The following SCN8A variants were observed in gnomAD, a reference collection of about 807,000 sequenced individuals.
SCN8A encodes sodium voltage-gated channel alpha subunit 8, also known as sodium channel protein type 8 subunit alpha.
Under a neutral mutation model 184.1 loss-of-function variants are expected in SCN8A, and 30 were observed. The ratio of observed to expected loss-of-function variants is 0.16; its 90% CI spans 0.12 to 0.22. The LOEUF is 0.22. SCN8A is among the 10% of genes least tolerant of loss of function. SCN8A has a pLI of 1.00. For synonymous variants in SCN8A, 852 were observed against 907.0 expected (o/e 0.94, Z 1.09); for missense variants, 1,057 against 2,498.9 (o/e 0.42, Z 12.30).
rs891008063 is a variant in SCN8A at position 51,721,517 on chromosome 12, CCT to C, written c.1636-22_1636-21del. On this transcript the variant is annotated intron_variant, in intron 11 of 26. Coordinates refer to ENST00000627620, the MANE Select transcript of SCN8A (RefSeq NM_001330260.2). Reference sequence around the variant, plus strand: ...CACACTCCCGTCTCATTTCCCCGTCCCTCTCTCTTTCCCTGTCTGCCCCTGCA... The same window carrying C: ...CACACTCCCGTCTCATTTCCCCGTCCCTCTCTTTCCCTGTCTGCCCCTGCA... 4.5e-6 allele frequency: 7 copies of C among 1,565,394 alleles called. No homozygotes were observed. The African/African-American group carries it at 6.8e-5, about 15-fold the overall frequency.
At chr12:51,680,782 A>G (rs1941316645) in intron 2 of SCN8A, among the ~76,000 whole-genome samples, 1 of 152,124 alleles carries the variant, frequency 6.6e-6, no homozygotes, top group South Asian at 2.1e-4. Context: ...CAGGCGGATC[A>G]TCCGAAGTCA....
chr12:51,705,622 A>G lies in SCN8A; in HGVS notation c.1340A>G (p.Gln447Arg). Residue 447 changes from glutamine to arginine, a missense_variant and splice_region_variant, in exon 10 of 27, where the codon CAG becomes CGG. Transcript: ENST00000627620. ...EQLKKQQEEAQAAAMATSAGT... is the reference protein window; with the variant it reads ...EQLKKQQEEARAAAMATSAGT... ...CTTAAGAAGCAACAGGAAGAGGCAC[A>G]GGTTGGTGATGAATTCTTTGCAATA... 6.2e-7 allele frequency: 1 copy of G among 1,611,786 alleles called. No individual in the cohort carries two copies. The highest frequency in any genetic ancestry group is 1.1e-5 in the South Asian group (1 of 90,558).
chr12:51,596,451 C>T (rs1939351716), intron 1 of SCN8A, among the ~76,000 whole-genome samples: 1 of 152,074 alleles, frequency 6.6e-6, no homozygotes, highest in Non-Finnish European at 1.5e-5. Flanking sequence ...CTAGGTTGGT[C>T]GACTCATGTT....
At chr12:51,774,074 A>T in intron 19 of SCN8A, 115 bp from the exon 20 acceptor site, 1 of 735,840 alleles carries the variant, frequency 1.4e-6, no homozygotes. Context: ...AGCGAAGGAG[A>T]CAGGGAGCTG....
At chr12:51,647,373 A>G (rs1940613520) in intron 1 of SCN8A, among the ~76,000 whole-genome samples, 1 of 152,218 alleles carries the variant, frequency 6.6e-6, no homozygotes, top group Non-Finnish European at 1.5e-5. Context: ...CTATCTCAAA[A>G]GGATTAGGAA....
chr12:51,627,237 A>G (rs1940098690), intron 1 of SCN8A, among the ~76,000 whole-genome samples: 1 of 152,186 alleles, frequency 6.6e-6, no homozygotes. Flanking sequence ...TGTTTAGAGA[A>G]CAGGGTTCAT....
intron 1 of SCN8A, among the ~76,000 whole-genome samples, chr12:51,600,247 T>C (rs1354207783): frequency 6.6e-6 from 1 of 152,222 alleles, no homozygotes; most frequent in African/African-American, 2.4e-5. Flanking sequence ...GTCATTTTCG[T>C]TGGCATTCTC....
At chr12:51,706,260 T>C (rs1438703412) in intron 10 of SCN8A, among the ~76,000 whole-genome samples, 162 bp from the exon 11 acceptor site, 1 of 152,238 alleles carries the variant, frequency 6.6e-6, no homozygotes, top group Non-Finnish European at 1.5e-5. Flanking sequence ...CACTTAGGGC[T>C]GTGTGCCAGA....
intron 12 of SCN8A, among the ~76,000 whole-genome samples, chr12:51,735,468 G>A (rs146100404): frequency 1.2e-4 from 19 of 152,250 alleles, no homozygotes; most frequent in East Asian, 7.7e-4. Context: ...GGTAAATACC[G>A]AGATCAGAAA....
At chr12:51,617,224 C>G (rs868211307) in intron 1 of SCN8A, among the ~76,000 whole-genome samples, 1 of 152,086 alleles carries the variant, frequency 6.6e-6, no homozygotes, top group Non-Finnish European at 1.5e-5. Flanking sequence ...CCTGTTGGGC[C>G]TTTGATACAA....
Position 51,807,570 on chromosome 12 carries a change from C to G in SCN8A, c.*141C>G. On this transcript the variant is annotated 3_prime_UTR_variant, in exon 27 of 27. Coordinates refer to ENST00000627620, the MANE Select transcript of SCN8A (RefSeq NM_001330260.2). This position sits in a 1 kb window ranked among gnomAD's most constrained non-coding sequence, Gnocchi z 4.5. ...TATACCAAACGTCGTCTGCTTACCA[C>G]GTAACACAGCTGCATCTTGAGCAGT... 1.1e-6 allele frequency: 1 copy of G among 881,132 alleles called. No homozygotes were observed. Among genetic ancestry groups the G allele is most frequent in the Non-Finnish European group, 1.8e-6 (1 of 562,674 alleles). The allele number at this position is 881,132 out of a possible 1,614,324, so 54.6% of individuals were successfully genotyped here.
intron 12 of SCN8A, among the ~76,000 whole-genome samples, chr12:51,724,981 T>A (rs1248858762): frequency 6.6e-6 from 1 of 152,132 alleles, no homozygotes; most frequent in African/African-American, 2.4e-5. Context: ...AGGTCTGCAT[T>A]TGGGTTTTGG....
At chr12:51,621,259 AGT>A (rs2138596972) in intron 1 of SCN8A, among the ~76,000 whole-genome samples, 1 of 152,318 alleles carries the variant, frequency 6.6e-6, no homozygotes, top group Non-Finnish European at 1.5e-5. Context: ...AAGTTGAGCA[AGT>A]GTGGCTCTTG....
At chr12:51,682,145 A>G (rs1399237694) in intron 2 of SCN8A, among the ~76,000 whole-genome samples, 1 of 152,206 alleles carries the variant, frequency 6.6e-6, no homozygotes, top group Non-Finnish European at 1.5e-5. Flanking sequence ...TTGATTTTCA[A>G]ATGCTAAACT....
intron 2 of SCN8A, among the ~76,000 whole-genome samples, chr12:51,671,952 A>G (rs1181065584): frequency 1.3e-5 from 2 of 152,208 alleles, no homozygotes. Context: ...GATTCTGCTG[A>G]TTTCAGAGAA....
chr12:51,774,084 G>C (rs1429933639), intron 19 of SCN8A, 105 bp from the exon 20 acceptor site: 1 of 902,390 alleles, frequency 1.1e-6, no homozygotes. Context: ...ACAGGGAGCT[G>C]ATGACAGGCC....
At chr12:51,592,800 T>G (rs927136716) in intron 1 of SCN8A, among the ~76,000 whole-genome samples, 3 of 151,924 alleles carry the variant, frequency 2.0e-5, no homozygotes, top group Non-Finnish European at 4.4e-5. Flanking sequence ...TAGAGAGAGG[T>G]AGCAGTGTGT....
intron 21 of SCN8A, among the ~76,000 whole-genome samples, chr12:51,782,980 T>A (rs1937972114): frequency 6.6e-6 from 1 of 152,198 alleles, no homozygotes; most frequent in Admixed American, 6.5e-5. Flanking sequence ...ACATCAAGAT[T>A]TTTTTCGGTA....
chr12:51,748,798 TG>T (rs1942552715), intron 13 of SCN8A, among the ~76,000 whole-genome samples: 1 of 152,066 alleles, frequency 6.6e-6, no homozygotes. Flanking sequence ...TTAGTGAGGG[TG>T]GGGGCTCTTC....
Sources: allele counts gnomAD v4.1 joint callset (sites outside exome capture counted in the v4.1 genomes callset), GRCh38; gene constraint gnomAD v4.1.1; non-coding constraint Gnocchi (gnomAD v3.1); transcripts MANE v1.5; gene names NCBI Gene and HGNC (gene_info 2026-07-23, HGNC 2026-07-21).